CCDC69: variants seen among roughly 807,000 people sequenced by gnomAD.
CCDC69 encodes coiled-coil domain-containing protein 69.
Under a neutral mutation model 40.3 loss-of-function variants are expected in CCDC69, and 38 were observed. The observed-to-expected ratio is 0.94, with a 90% CI of 0.73 to 1.24. The LOEUF is 1.24. Ranked by LOEUF, CCDC69 falls within the 50% of genes most tolerant of loss-of-function variation. The pLI is 0.00. For synonymous variants in CCDC69, 141 were observed against 138.9 expected, an observed-to-expected ratio of 1.02 and a Z score of -0.11; for missense variants, 389 against 357.9, an observed-to-expected ratio of 1.09 and a Z score of -0.70.
intron 5 of CCDC69, among the ~76,000 whole-genome samples, chr5:151,187,042 T>C (rs1043714194): frequency 3.3e-5 from 5 of 152,188 alleles, no homozygotes; most frequent in African/African-American, 1.2e-4. Flanking sequence ...CTAGGAAATC[T>C]TTCCTGCACA....
At chr5:151,190,972 A>G (rs1752603954) in intron 4 of CCDC69, among the ~76,000 whole-genome samples, 1 of 152,124 alleles carries the variant, frequency 6.6e-6, no homozygotes, top group Non-Finnish European at 1.5e-5. Flanking sequence ...AACACAGAGT[A>G]TGTCAGAATG....
chr5:151,203,680 TATA>T (rs1752808635), intron 2 of CCDC69, among the ~76,000 whole-genome samples: 1 of 136,714 alleles, frequency 7.3e-6, no homozygotes, highest in Non-Finnish European at 1.5e-5. Context: ...AAATAGTATA[TATA>T]ATAAAATATA....
chr5:151,206,311 C>T (rs1177779422), intron 1 of CCDC69, among the ~76,000 whole-genome samples: 1 of 152,166 alleles, frequency 6.6e-6, no homozygotes, highest in Non-Finnish European at 1.5e-5. Flanking sequence ...TCCATGTGTT[C>T]AGCTATGCGG....
At position 151,183,084 on chromosome 5, in the gene CCDC69, A is replaced by G. The variant is rs530605440; in HGVS notation, c.*353T>C. On this transcript the variant is annotated 3_prime_UTR_variant, in exon 9 of 9. Transcript: ENST00000355417. ...TCGGCAGCAGAGCTGACAAGCTGGG[A>G]CCAGGGGCTGTCTCCTTTATGTCAA... is the stretch of plus-strand genomic sequence containing the variant. 4.1e-6 allele frequency: 2 copies of G among 486,452 alleles called. No homozygotes were observed. The highest frequency in any genetic ancestry group is 1.9e-5 in the African/African-American group (1 of 51,554). 30.1% of individuals were successfully genotyped at this position (486,452 alleles called of 1,614,324 possible).
intron 1 of CCDC69, among the ~76,000 whole-genome samples, chr5:151,209,439 C>T (rs1445036736): frequency 1.3e-5 from 2 of 152,240 alleles, no homozygotes; most frequent in Non-Finnish European, 2.9e-5. Context: ...TTTCCACAAA[C>T]AGCTTTCAGA....
chr5:151,206,480 A>G (rs1483672145), intron 1 of CCDC69, among the ~76,000 whole-genome samples: 13 of 152,202 alleles, frequency 8.5e-5, no homozygotes, highest in Admixed American at 8.5e-4. Flanking sequence ...AACCTCTAAG[A>G]GGAATAAGTA....
rs3734038 is a variant in CCDC69 at position 151,199,013 on chromosome 5, A to G, written c.303T>C (p.Asn101=). 0.24 allele frequency: 380,440 copies of G among 1,613,108 alleles called. 48,149 individuals carry two copies. The highest frequency in any genetic ancestry group is 0.41 in the Admixed American group (24,822 of 60,006). ...TACCCTTACCTTGCAGGGCCTCTTCATTCTTTCCTTCCAGGACCCTTTGCT... is the reference window on the plus strand; with the variant it reads ...TACCCTTACCTTGCAGGGCCTCTTCGTTCTTTCCTTCCAGGACCCTTTGCT... The part of the protein sequence containing the change: ...DEQQRVLEGK[N]EEALQVLRAS... The change falls in exon 4 of 9, where the codon AAT becomes AAC. Residue 101 remains asparagine (N), a synonymous_variant. Transcript: ENST00000355417.
At chr5:151,201,712 TA>T in intron 2 of CCDC69, 24 bp from the exon 3 acceptor site, 1 of 1,502,834 alleles carries the variant, frequency 6.7e-7, no homozygotes. Flanking sequence ...AGCAAAAAAA[TA>T]AAAATAAAAA....
chr5:151,201,652 T>C lies in CCDC69; in HGVS notation c.161A>G (p.Glu54Gly). ...TVQLCASEEA[E>G]RHQKDITRIL... ...TCTGGTTATATCCTTCTGGTGCCGC[T>C]CAGCCTCCTCTGATGCACAGAGCTG... is the stretch of plus-strand genomic sequence containing the variant. The change falls in exon 3 of 9, where the codon GAG (glutamate) becomes GGG (glycine). Residue 54 changes from glutamate (E) to glycine (G), a missense_variant. Transcript: ENST00000355417. 6.2e-7 allele frequency: 1 copy of C among 1,613,606 alleles called. No homozygotes were observed. The highest frequency in any genetic ancestry group is 8.5e-7 in the Non-Finnish European group (1 of 1,179,770).
At chr5:151,202,050 C>A (rs936775909) in intron 2 of CCDC69, among the ~76,000 whole-genome samples, 1 of 152,058 alleles carries the variant, frequency 6.6e-6, no homozygotes, top group African/African-American at 2.4e-5. Context: ...CTGTTCTACC[C>A]CATTTTTTAA....
At chr5:151,215,716 A>G (rs1035419651) in intron 1 of CCDC69, 2 of 333,290 alleles carry the variant, frequency 6.0e-6, no homozygotes, top group Non-Finnish European at 1.3e-5. Flanking sequence ...GAGCTCAGCC[A>G]TCTCCCAAGT....
At chr5:151,187,359 A>C in intron 5 of CCDC69, 27 bp downstream of exon 5, 2 of 1,608,054 alleles carry the variant, frequency 1.2e-6, no homozygotes, top group Non-Finnish European at 1.7e-6. Flanking sequence ...CCCTTATCCA[A>C]GACTGACACG....
chr5:151,207,384 T>C (rs915806052), intron 1 of CCDC69, among the ~76,000 whole-genome samples: 16 of 152,168 alleles, frequency 1.1e-4, no homozygotes, highest in Middle Eastern at 3.4e-3. Flanking sequence ...CTCCGCCTCC[T>C]GGGTTCACGC....
chr5:151,216,406 A>ATTTTTTTTT (rs1262419326), intron 1 of CCDC69, among the ~76,000 whole-genome samples: 7 of 116,306 alleles, frequency 6.0e-5, no homozygotes, highest in Non-Finnish European at 8.6e-5. Context: ...AATTATTAGG[A>ATTTTTTTTT]TTTTTTTTTT....
intron 4 of CCDC69, among the ~76,000 whole-genome samples, chr5:151,196,115 AC>A (rs1344132649): frequency 6.6e-6 from 1 of 152,160 alleles, no homozygotes; most frequent in Non-Finnish European, 1.5e-5. Flanking sequence ...CAGGATATAC[AC>A]TTTTACGTAC....
chr5:151,193,515 G>A (rs1752651823), intron 4 of CCDC69, among the ~76,000 whole-genome samples: 1 of 151,146 alleles, frequency 6.6e-6, no homozygotes, highest in African/African-American at 2.4e-5. Flanking sequence ...CATCCTGTTG[G>A]AAAGAAAAGA....
chr5:151,223,903 TCTC>T lies in CCDC69; in HGVS notation c.48+17_48+19del. 1.3e-6 allele frequency: 2 copies of T among 1,589,136 alleles called. No homozygotes were observed. Among genetic ancestry groups the T allele is most frequent in the East Asian group, 2.5e-5 (1 of 40,102 alleles). On this transcript the variant is annotated intron_variant, in intron 1 of 8. Transcript: ENST00000355417. ...CTCCCCTCTCCTCTGAAAGCAAACT[TCTC>T]CGCCGGCGCCCTTTACCTTTTTCGG...
At position 151,201,619 on chromosome 5, in the gene CCDC69, T is replaced by C; in HGVS notation, c.194A>G (p.Gln65Arg). Reference protein sequence around the residue: ...RHQKDITRILQQHEEEKKKWA... With the variant: ...RHQKDITRILRQHEEEKKKWA... ...TTTCTTCTTTTCCTCCTCATGTTGCTGGAGAATTCTGGTTATATCCTTCTG... is the reference window on the plus strand; with the variant it reads ...TTTCTTCTTTTCCTCCTCATGTTGCCGGAGAATTCTGGTTATATCCTTCTG... The change falls in exon 3 of 9, where the codon CAG (glutamine) becomes CGG (arginine). Residue 65 changes from glutamine (Q) to arginine (R), a missense_variant. Coordinates refer to ENST00000355417, the MANE Select transcript of CCDC69 (RefSeq NM_015621.3). 7.4e-6 allele frequency: 12 copies of C among 1,613,648 alleles called. No homozygotes were observed. Among genetic ancestry groups the C allele is most frequent in the Non-Finnish European group, 1.0e-5 (12 of 1,179,732 alleles).
At chr5:151,218,055 G>C (rs917818056) in intron 1 of CCDC69, among the ~76,000 whole-genome samples, 1 of 152,158 alleles carries the variant, frequency 6.6e-6, no homozygotes, top group African/African-American at 2.4e-5. Context: ...ACTTGTCTTG[G>C]GGGGATGCAT....
Sources: gnomAD v4.1 joint callset for allele counts (sites outside exome capture counted in the v4.1 genomes callset) on GRCh38, gnomAD v4.1.1 for gene constraint, MANE v1.5 for transcripts, NCBI Gene and HGNC (gene_info 2026-07-23, HGNC 2026-07-21) for gene names.